The following USP24 variants were observed in gnomAD, a reference collection of about 807,000 sequenced individuals.
USP24 encodes ubiquitin carboxyl-terminal hydrolase 24.
Under a neutral mutation model 361.6 loss-of-function variants are expected in USP24, and 97 were observed. The observed-to-expected ratio is 0.27, with a 90% CI of 0.23 to 0.32. The LOEUF (loss-of-function observed/expected upper bound fraction) is 0.32, where lower values mean the gene tolerates loss of function less well. USP24 is among the 10% of genes least tolerant of loss of function. USP24 has a pLI of 1.00. For missense variants in USP24, 2,353 were observed against 3,165.6 expected (o/e 0.74, Z 6.16); for synonymous variants, 1,098 against 1,124.6 (o/e 0.98, Z 0.47).
chr1:55,184,709 AAG>A (rs908722806), intron 1 of USP24, among the ~76,000 whole-genome samples: 36 of 152,216 alleles, frequency 2.4e-4, no homozygotes, highest in African/African-American at 7.0e-4. Context: ...AACAATTTAA[AAG>A]AAGTGAAATC....
chr1:55,123,878 C>A (rs1646351983), intron 35 of USP24, among the ~76,000 whole-genome samples: 1 of 152,122 alleles, frequency 6.6e-6, no homozygotes, highest in Non-Finnish European at 1.5e-5. Flanking sequence ...CATGAGGGAG[C>A]CCTCCAGAGG....
intron 50 of USP24, among the ~76,000 whole-genome samples, chr1:55,096,088 T>G (rs531723954): frequency 6.6e-6 from 1 of 152,330 alleles, no homozygotes; most frequent in Non-Finnish European, 1.5e-5. Context: ...TAAATATGGT[T>G]TTAAAAACAC....
chr1:55,137,444 T>C lies in USP24; in HGVS notation c.3201+71A>G. The C allele has an allele frequency of 2.0e-6, 3 of 1,502,718 alleles. No homozygotes were observed. In the South Asian group the frequency reaches 3.9e-5, roughly 20 times the overall value. 93.1% of individuals were successfully genotyped at this position (1,502,718 alleles called of 1,614,324 possible). A position where few individuals can be genotyped will look rare whatever the true frequency, so the allele number is the denominator to read the frequency against. ...GAATCCCAGCATTTGTTATACAGTT[T>C]GGAAGAGTCAGAACAAAAAGACAGT... On this transcript the variant is annotated intron_variant, in intron 28 of 67. Transcript: ENST00000294383.
At position 55,159,720 on chromosome 1, in the gene USP24, G is replaced by T. The variant is rs368240666; in HGVS notation, c.994-35C>A. The T allele has an allele frequency of 1.4e-5, 21 of 1,517,930 alleles. No homozygotes were observed. The African/African-American group carries it at 2.6e-4, about 19-fold the overall frequency. The allele number at this position is 1,517,930 out of a possible 1,614,324, so 94.0% of individuals were successfully genotyped here. A position where few individuals can be genotyped will look rare whatever the true frequency, so the allele number is the denominator to read the frequency against. The stretch of plus-strand genomic sequence containing the variant: ...TAAAATGCTACAGTTAAGAACTCCC[G>T]AAGCTGTCCCAAAAGTAGAGAGAGA... On this transcript the variant is annotated intron_variant, in intron 8 of 67. Transcript: ENST00000294383.
intron 36 of USP24, 48 bp downstream of exon 36, chr1:55,123,399 T>C (rs1204971070): frequency 1.4e-6 from 2 of 1,463,528 alleles, no homozygotes; most frequent in Non-Finnish European, 1.8e-6. Context: ...CAACAGAAAC[T>C]TGGCCTTTCC....
intron 28 of USP24, 103 bp downstream of exon 28, chr1:55,137,412 C>A: frequency 7.5e-7 from 1 of 1,326,524 alleles, no homozygotes; most frequent in African/African-American, 1.5e-5. Context: ...CAAGCTTGAA[C>A]ACTAATGAAT....
At chr1:55,152,843 T>G in intron 16 of USP24, among the ~76,000 whole-genome samples, 1 of 152,124 alleles carries the variant, frequency 6.6e-6, no homozygotes, top group East Asian at 1.9e-4. Flanking sequence ...TGCCCCCAAC[T>G]AAACTTTGTG....
In USP24 at chr1:55,214,905, G is replaced by C. The variant is rs999497940; in HGVS notation, c.209C>G (p.Pro70Arg). ...GCCGTCACCTCCGCCGTCGCCCCGC[G>C]GGCCCCCGCCGGGCCCGGGGCTGGG... ...GGPSPGPGGG[P>R]RGDGGGDGGG... The change falls in exon 1 of 68, where the codon CCG becomes CGG. Residue 70 changes from proline (P) to arginine (R), a missense_variant. This residue lies in a region of USP24 where 253 missense variants were observed against 255.3 expected (regional missense o/e 0.99). Coordinates refer to ENST00000294383, the MANE Select transcript of USP24 (RefSeq NM_015306.3). The C allele has an allele frequency of 1.3e-5, 17 of 1,279,208 alleles. No homozygotes were observed. Among genetic ancestry groups the C allele is most frequent in the Non-Finnish European group, 1.6e-5 (16 of 1,005,662 alleles). The allele number at this position is 1,279,208 out of a possible 1,614,324, so 79.2% of individuals were successfully genotyped here. A position where few individuals can be genotyped will look rare whatever the true frequency, so the allele number is the denominator to read the frequency against.
chr1:55,154,590 T>C, intron 13 of USP24, 81 bp downstream of exon 13: 1 of 1,449,232 alleles, frequency 6.9e-7, no homozygotes, highest in South Asian at 1.2e-5. Context: ...TGCTAACTGG[T>C]GGGGAGGAGG....
chr1:55,122,577 G>A (rs1370764912), intron 36 of USP24, among the ~76,000 whole-genome samples: 1 of 152,142 alleles, frequency 6.6e-6, no homozygotes, highest in Admixed American at 6.6e-5. Flanking sequence ...GATGAGTTAG[G>A]GCACTCTTGC....
chr1:55,115,964 T>A (rs1646103385), intron 38 of USP24, among the ~76,000 whole-genome samples: 1 of 151,908 alleles, frequency 6.6e-6, no homozygotes, highest in Non-Finnish European at 1.5e-5. Flanking sequence ...GGGAGTTGAA[T>A]AATGAGAACA....
rs909113990 is a variant in USP24, at chr1:55,068,033, T to A, written c.*1012A>T. The A allele has an allele frequency of 6.6e-6, 1 of 152,250 alleles. No individual in the cohort carries two copies. The highest frequency in any genetic ancestry group is 1.5e-5 in the Non-Finnish European group (1 of 68,038). 9.4% of individuals were successfully genotyped at this position (152,250 alleles called of 1,614,324 possible). A position where few individuals can be genotyped will look rare whatever the true frequency, so the allele number is the denominator to read the frequency against. On this transcript the variant is annotated 3_prime_UTR_variant, in exon 68 of 68. Coordinates refer to ENST00000294383, the MANE Select transcript of USP24 (RefSeq NM_015306.3). The stretch of plus-strand genomic sequence containing the variant: ...TTCCTTCTCTGCATTACAATAACTA[T>A]GAAACTCACAAGCAGTGTGTACCAA...
chr1:55,109,822 T>C (rs1645898097), intron 39 of USP24, among the ~76,000 whole-genome samples: 1 of 152,162 alleles, frequency 6.6e-6, no homozygotes, highest in South Asian at 2.1e-4. Flanking sequence ...TCTAACACTA[T>C]CAACATGCCG....
In USP24 at chr1:55,171,672, T is replaced by C. The variant is rs758484317; in HGVS notation, c.709A>G (p.Asn237Asp). ...TTAAAATGGTATTCATTATCAGGAT[T>C]GAAAGCCTAGATTCAAAGAGAACAG... ...GLLGVLTMAF[N>D]PDNEYHFKNR... Residue 237 changes from asparagine (N) to aspartate (D), a missense_variant, in exon 5 of 68, where the codon AAT (asparagine) becomes GAT (aspartate). Around this residue, in one of 8 missense-constraint regions of USP24, gnomAD observed 386 missense variants for 560.5 expected, o/e 0.69. Transcript: ENST00000294383. 6.2e-7 allele frequency: 1 copy of C among 1,603,378 alleles called. No homozygotes were observed. Among genetic ancestry groups the C allele is most frequent in the Non-Finnish European group, 8.5e-7 (1 of 1,173,784 alleles).
At chr1:55,134,243 A>G (rs565347060) in intron 29 of USP24, 80 bp from the exon 30 acceptor site, 164 of 1,562,078 alleles carry the variant, frequency 1.0e-4, no homozygotes, top group Non-Finnish European at 1.3e-4. Context: ...AATATAAAAT[A>G]AAATGCATTT....
Position 55,101,681 on chromosome 1 carries a change from C to A in USP24, c.5048G>T (p.Arg1683Met). 6.2e-7 allele frequency: 1 copy of A among 1,610,484 alleles called. No homozygotes were observed. Among genetic ancestry groups the A allele is most frequent in the Non-Finnish European group, 8.5e-7 (1 of 1,178,836 alleles). Residue 1683 changes from arginine to methionine, a missense_variant, in exon 43 of 68, where the codon AGG becomes ATG. Transcript: ENST00000294383. Reference sequence around the variant, plus strand: ...CAGCCCCACAAACCCTGAACTGGACCTGCTATCCACTGGGGGAAGGTACTG... The same window carrying A: ...CAGCCCCACAAACCCTGAACTGGACATGCTATCCACTGGGGGAAGGTACTG... ...EFDYLPPVDSRSSSGFVGLRN... is the reference protein window; with the variant it reads ...EFDYLPPVDSMSSSGFVGLRN...
intron 38 of USP24, among the ~76,000 whole-genome samples, chr1:55,114,554 T>C (rs113155762): frequency 6.6e-6 from 1 of 151,968 alleles, no homozygotes; most frequent in African/African-American, 2.4e-5. Flanking sequence ...TACAGACCAA[T>C]GGAACAGAAC....
chr1:55,139,846 C>T (rs1646838703), intron 24 of USP24, among the ~76,000 whole-genome samples: 2 of 152,078 alleles, frequency 1.3e-5, no homozygotes, highest in Admixed American at 1.3e-4. Flanking sequence ...CTAAATTATT[C>T]CAGTCTATGG....
At chr1:55,096,646 CATT>C in intron 49 of USP24, 24 bp from the exon 50 acceptor site, 2 of 1,593,482 alleles carry the variant, frequency 1.3e-6, no homozygotes, top group Non-Finnish European at 8.5e-7. Flanking sequence ...ATCAGACAAA[CATT>C]ATAAGGTTAA....
Sources: gnomAD v4.1 joint callset for allele counts (sites outside exome capture counted in the v4.1 genomes callset) on GRCh38, gnomAD v4.1.1 for gene constraint, gnomAD v4.1.1 regional missense constraint, MANE v1.5 for transcripts, NCBI Gene and HGNC (gene_info 2026-07-23, HGNC 2026-07-21) for gene names.